The following ZNF385D variants were observed in gnomAD, a reference collection of about 807,000 sequenced individuals.
The protein encoded by ZNF385D is zinc finger protein 385D, also known as zinc finger protein 659.
In ZNF385D, 15 loss-of-function variants were observed where a neutral mutation model predicts 35.8. The ratio of observed to expected loss-of-function variants is 0.42; its 90% confidence interval spans 0.28 to 0.64. The LOEUF is 0.64. Among genes scored for constraint, ZNF385D ranks in the 30% least tolerant of loss-of-function variants. The pLI is 0.23. For missense variants in ZNF385D, 474 were observed against 494.6 expected (o/e 0.96, Z 0.39); for synonymous variants, 212 against 186.8 (o/e 1.13, Z -1.10).
chr3:22,161,124 C>T (rs772343985), intron 3 of ZNF385D, among the ~76,000 whole-genome samples: 32 of 151,868 alleles, frequency 2.1e-4, no homozygotes, highest in Non-Finnish European at 2.5e-4. Context: ...AATTAGAAAA[C>T]AAAATGGCAA....
chr3:22,181,543 A>C (rs1695272694), intron 2 of ZNF385D, among the ~76,000 whole-genome samples: 1 of 151,916 alleles, frequency 6.6e-6, no homozygotes, highest in Non-Finnish European at 1.5e-5. Context: ...AAACACACAC[A>C]CAAAATTAGC....
intron 3 of ZNF385D, among the ~76,000 whole-genome samples, chr3:21,527,644 T>C (rs962931842): frequency 6.6e-6 from 1 of 152,176 alleles, no homozygotes; most frequent in African/African-American, 2.4e-5. Flanking sequence ...AGATTGACTT[T>C]CCTCTGGTCT....
At chr3:21,820,760 C>G (rs1210784334) in intron 3 of ZNF385D, among the ~76,000 whole-genome samples, 1 of 150,702 alleles carries the variant, frequency 6.6e-6, no homozygotes, top group Non-Finnish European at 1.5e-5. Context: ...GCTTCAACTT[C>G]TATTAAAAGA....
intron 4 of ZNF385D, among the ~76,000 whole-genome samples, chr3:21,470,168 C>G (rs1245259014): frequency 1.3e-5 from 2 of 152,162 alleles, no homozygotes; most frequent in Non-Finnish European, 1.5e-5. Context: ...TATTTTGTCA[C>G]TTTGCCTAGT....
intron 2 of ZNF385D, among the ~76,000 whole-genome samples, chr3:21,654,075 T>G (rs1221643447): frequency 6.6e-6 from 1 of 152,006 alleles, no homozygotes; most frequent in Non-Finnish European, 1.5e-5. Flanking sequence ...ACAACTGGAC[T>G]GTCATTTCTT....
At chr3:21,749,906 C>T (rs1439564229) in intron 1 of ZNF385D, among the ~76,000 whole-genome samples, 2 of 152,174 alleles carry the variant, frequency 1.3e-5, no homozygotes, top group South Asian at 2.1e-4. Flanking sequence ...TGAAAGAAGA[C>T]GCTAGATTTA....
At chr3:21,627,467 G>A (rs549834867) in intron 2 of ZNF385D, among the ~76,000 whole-genome samples, 4 of 152,026 alleles carry the variant, frequency 2.6e-5, no homozygotes, top group Admixed American at 2.6e-4. Flanking sequence ...ACGTTCATAA[G>A]GCGAAAAAAG....
At chr3:22,166,054 C>G (rs902484196) in intron 3 of ZNF385D, among the ~76,000 whole-genome samples, 5 of 129,124 alleles carry the variant, frequency 3.9e-5, no homozygotes, top group African/African-American at 1.0e-4. Context: ...AGACTTGGCC[C>G]TGATCCTACC....
chr3:21,527,814 G>A (rs1356753171), intron 3 of ZNF385D, among the ~76,000 whole-genome samples: 3 of 151,802 alleles, frequency 2.0e-5, no homozygotes, highest in South Asian at 2.1e-4. Flanking sequence ...ATTTGTCATC[G>A]CAGCTTTGTG....
chr3:21,588,453 TA>T (rs2063876363), intron 2 of ZNF385D, among the ~76,000 whole-genome samples: 1 of 147,298 alleles, frequency 6.8e-6, no homozygotes, highest in South Asian at 2.2e-4. Context: ...AGACCTGATT[TA>T]ATAGAAGAAT....
At chr3:22,241,989 A>T (rs1215704700) in intron 2 of ZNF385D, among the ~76,000 whole-genome samples, 1 of 147,622 alleles carries the variant, frequency 6.8e-6, no homozygotes, top group African/African-American at 2.5e-5. Flanking sequence ...AAAACCAAAG[A>T]CCGCATATTC....
At position 21,900,713 on chromosome 3, in the gene ZNF385D, T is replaced by C. The variant is rs191784821; in HGVS notation, c.326-235685A>G. On this transcript the variant is annotated intron_variant, in intron 3 of 5. Transcript: ENST00000494108. ...TAGCTTGTTGTCAATATAAAAGACA[T>C]ACAATACATATGTACATACATACAC... Among the ~76,000 whole-genome samples, 21 of 152,230 alleles carry C rather than the reference T, an allele frequency of 1.4e-4. No individual in the cohort carries two copies. The East Asian group carries it at 4.1e-3, about 29-fold the overall frequency.
chr3:21,610,886 G>A (rs370020592), intron 2 of ZNF385D, among the ~76,000 whole-genome samples: 6 of 152,186 alleles, frequency 3.9e-5, no homozygotes, highest in African/African-American at 1.4e-4. Context: ...ATATCAGCCT[G>A]GAATGTGGTC....
chr3:21,625,855 A>G (rs1220056145), intron 2 of ZNF385D, among the ~76,000 whole-genome samples: 5 of 152,142 alleles, frequency 3.3e-5, no homozygotes, highest in Admixed American at 2.0e-4. Context: ...AGAAAGTTCT[A>G]TTAGTCAGTG....
intron 3 of ZNF385D, among the ~76,000 whole-genome samples, chr3:21,804,660 T>G (rs1047780105): frequency 6.6e-6 from 1 of 152,232 alleles, no homozygotes; most frequent in Non-Finnish European, 1.5e-5. Flanking sequence ...CAATTCATTT[T>G]AGTCTCTCTT....
At chr3:21,774,136 G>A (rs992613537) in intron 3 of ZNF385D, among the ~76,000 whole-genome samples, 2 of 151,898 alleles carry the variant, frequency 1.3e-5, no homozygotes, top group Non-Finnish European at 2.9e-5. Context: ...GGATGGAGCT[G>A]GATGCTACTC....
chr3:21,537,123 A>G (rs1431135500), intron 3 of ZNF385D, among the ~76,000 whole-genome samples: 2 of 121,352 alleles, frequency 1.6e-5, no homozygotes, highest in African/African-American at 5.9e-5. Flanking sequence ...CAAAATATCA[A>G]CTTTTTTTTT....
At chr3:22,307,098 G>T (rs752690927) in intron 2 of ZNF385D, among the ~76,000 whole-genome samples, 24 of 152,030 alleles carry the variant, frequency 1.6e-4, no homozygotes, top group Non-Finnish European at 3.5e-4. Context: ...TAAACTACAG[G>T]AATAGTCCCA....
intron 3 of ZNF385D, among the ~76,000 whole-genome samples, chr3:21,782,038 C>G (rs1169390985): frequency 6.6e-6 from 1 of 152,068 alleles, no homozygotes; most frequent in Non-Finnish European, 1.5e-5. Context: ...CCTCTGCACC[C>G]TATATGCTTT....
Sources: allele counts gnomAD v4.1 joint callset (sites outside exome capture counted in the v4.1 genomes callset), GRCh38; gene constraint gnomAD v4.1.1; transcripts MANE v1.5; gene names NCBI Gene and HGNC (gene_info 2026-07-23, HGNC 2026-07-21).